BNC2: variants seen among roughly 807,000 people sequenced by gnomAD.
BNC2 encodes zinc finger protein basonuclin-2.
Under a neutral mutation model 76.3 loss-of-function variants are expected in BNC2, and 20 were observed. The ratio of observed to expected loss-of-function variants is 0.26; its 90% confidence interval spans 0.18 to 0.38. The LOEUF is 0.38. Among genes scored for constraint, BNC2 ranks in the 10% least tolerant of loss-of-function variants. The pLI is 1.00. For missense variants in BNC2, 1,382 were observed against 1,399.8 expected (o/e 0.99, Z 0.20); for synonymous variants, 582 against 514.8 (o/e 1.13, Z -1.77).
intron 3 of BNC2, among the ~76,000 whole-genome samples, chr9:16,609,996 C>G (rs1399774061): frequency 3.3e-5 from 5 of 152,172 alleles, no homozygotes; most frequent in African/African-American, 1.2e-4. Flanking sequence ...GAAGGCAAAT[C>G]ACTTATGTCC....
intron 1 of BNC2, among the ~76,000 whole-genome samples, chr9:16,746,638 T>C (rs756964804): frequency 6.6e-5 from 10 of 150,856 alleles, no homozygotes; most frequent in Non-Finnish European, 1.3e-4. Flanking sequence ...GTGCTGGGAT[T>C]GCAGGCGTGA....
chr9:16,699,117 TTTTG>T (rs1288834354), intron 3 of BNC2: 4 of 448,286 alleles, frequency 8.9e-6, no homozygotes, highest in South Asian at 5.0e-5. Flanking sequence ...GCTGTTCTGT[TTTTG>T]TTTTTGTTTT....
At position 16,435,660 on chromosome 9, in the gene BNC2, G is replaced by A; in HGVS notation, c.2534C>T (p.Ser845Phe). 5 of 1,614,106 alleles carry A rather than the reference G, an allele frequency of 3.1e-6. No homozygotes were observed. In the South Asian group the frequency reaches 5.5e-5, roughly 18 times the overall value. Reference protein sequence around the residue: ...CYVCKKSFKSSYSVKLHYRNV... With the variant: ...CYVCKKSFKSFYSVKLHYRNV... ...CCTGTAGTGAAGTTTCACACTGTAG[G>A]AGCTTTTGAAACTCTTCTTGCACAC... is the stretch of plus-strand genomic sequence containing the variant. Residue 845 changes from serine (S) to phenylalanine (F), a missense_variant, in exon 6 of 7, where the codon TCC becomes TTC. This residue lies in a region of BNC2 where 798 missense variants were observed against 775.5 expected (regional missense o/e 1.03). Coordinates refer to ENST00000380672, the MANE Select transcript of BNC2 (RefSeq NM_017637.6).
At chr9:16,638,553 A>G (rs1351616652) in intron 3 of BNC2, among the ~76,000 whole-genome samples, 1 of 152,192 alleles carries the variant, frequency 6.6e-6, no homozygotes, top group Non-Finnish European at 1.5e-5. Context: ...CTTCAGGCTC[A>G]GGTTCTCCCC....
chr9:16,800,791 G>A (rs2026805), intron 1 of BNC2, among the ~76,000 whole-genome samples: 74,923 of 152,026 alleles, frequency 0.49, 24,862 homozygotes, highest in Non-Finnish European at 0.75. Flanking sequence ...CAAAGAAAAT[G>A]TATTTTCAAC....
At chr9:16,832,639 A>G (rs549194498) in intron 1 of BNC2, among the ~76,000 whole-genome samples, 59 of 152,132 alleles carry the variant, frequency 3.9e-4, no homozygotes, top group Non-Finnish European at 7.2e-4. Flanking sequence ...CAAAATACAT[A>G]TTTTTCCATA....
At position 16,860,723 on chromosome 9, in the gene BNC2, C is replaced by G. The variant is rs146383903; in HGVS notation, c.3+9923G>C. Among the ~76,000 whole-genome samples, 415 of 152,250 alleles carry G rather than the reference C, an allele frequency of 2.7e-3. 1 individual carries two copies. Among genetic ancestry groups the G allele is most frequent in the African/African-American group, 9.4e-3 (391 of 41,564 alleles). ...TTAGACTTCATCAAAAATTTCTGTG[C>G]TTGAAAAGGCACCATCAAAAAGTCA... On this transcript the variant is annotated intron_variant, in intron 1 of 6. Coordinates refer to ENST00000380672, the MANE Select transcript of BNC2 (RefSeq NM_017637.6).
At chr9:16,629,886 G>A (rs77509715) in intron 3 of BNC2, among the ~76,000 whole-genome samples, 6,260 of 152,282 alleles carry the variant, frequency 0.041, 289 homozygotes, top group African/African-American at 0.11. Flanking sequence ...CAGGGTGGTG[G>A]TTGATGAAGA....
At chr9:16,548,405 G>T (rs34865223) in intron 5 of BNC2, among the ~76,000 whole-genome samples, 6,100 of 143,686 alleles carry the variant, frequency 0.042, 269 homozygotes, top group East Asian at 0.22. Flanking sequence ...CTTCTTCTTC[G>T]TTTTTTTTTT....
At chr9:16,852,070 C>A (rs1328799765) in intron 1 of BNC2, among the ~76,000 whole-genome samples, 1 of 152,180 alleles carries the variant, frequency 6.6e-6, no homozygotes, top group African/African-American at 2.4e-5. Context: ...CGCAGTCACA[C>A]CGCCTTATTA....
At chr9:16,819,874 C>T (rs1262561146) in intron 1 of BNC2, among the ~76,000 whole-genome samples, 1 of 151,890 alleles carries the variant, frequency 6.6e-6, no homozygotes, top group East Asian at 1.9e-4. Flanking sequence ...CCTACAATTC[C>T]AGTACTCTGG....
intron 1 of BNC2, among the ~76,000 whole-genome samples, chr9:16,748,764 AC>A (rs1825086020): frequency 7.1e-6 from 1 of 140,228 alleles, no homozygotes; most frequent in Non-Finnish European, 1.5e-5. Context: ...AATTGCTAGG[AC>A]CCAGGAGATG....
intron 1 of BNC2, among the ~76,000 whole-genome samples, chr9:16,862,268 C>T (rs889666776): frequency 1.3e-5 from 2 of 152,116 alleles, no homozygotes; most frequent in Non-Finnish European, 2.9e-5. Flanking sequence ...AATGTGCTTT[C>T]ATTGAATGGA....
At chr9:16,577,900 AG>A (rs1819528913) in intron 4 of BNC2, among the ~76,000 whole-genome samples, 1 of 152,154 alleles carries the variant, frequency 6.6e-6, no homozygotes, top group Admixed American at 6.6e-5. Context: ...TTAAAGTCAA[AG>A]AAAAAAAAAG....
chr9:16,765,911 G>A (rs1022889927), intron 1 of BNC2, among the ~76,000 whole-genome samples: 8 of 151,530 alleles, frequency 5.3e-5, no homozygotes, highest in Non-Finnish European at 1.0e-4. Context: ...CTCAGCCTCC[G>A]GAGTAGCTGG....
chr9:16,849,278 A>C (rs1343236740), intron 1 of BNC2, among the ~76,000 whole-genome samples: 2 of 151,832 alleles, frequency 1.3e-5, no homozygotes, highest in African/African-American at 4.8e-5. Flanking sequence ...CACAAAGCAG[A>C]CTGAATTTTC....
chr9:16,798,156 A>T (rs1451419170), intron 1 of BNC2, among the ~76,000 whole-genome samples: 1 of 152,206 alleles, frequency 6.6e-6, no homozygotes. Context: ...CCAAGTAATT[A>T]GGAAGAGAAA....
At chr9:16,771,094 AG>A (rs1825821009) in intron 1 of BNC2, among the ~76,000 whole-genome samples, 1 of 152,138 alleles carries the variant, frequency 6.6e-6, no homozygotes, top group Non-Finnish European at 1.5e-5. Flanking sequence ...GCTTGAACCC[AG>A]GAGACAGAGG....
At chr9:16,643,769 C>A (rs1008292491) in intron 3 of BNC2, among the ~76,000 whole-genome samples, 5 of 152,074 alleles carry the variant, frequency 3.3e-5, no homozygotes, top group Non-Finnish European at 7.4e-5. Flanking sequence ...GTAAATGGGA[C>A]AAATACATGG....
Sources: gnomAD v4.1 joint callset for allele counts (sites outside exome capture counted in the v4.1 genomes callset) on GRCh38, gnomAD v4.1.1 for gene constraint, gnomAD v4.1.1 regional missense constraint, MANE v1.5 for transcripts, NCBI Gene and HGNC (gene_info 2026-07-23, HGNC 2026-07-21) for gene names.